The following LUZP2 variants were observed in gnomAD, a reference collection of about 807,000 sequenced individuals.
LUZP2 encodes the protein leucine zipper protein 2.
LUZP2 carries 52 observed loss-of-function variants against 51.6 expected under a neutral mutation model. That is an observed-to-expected ratio of 1.01 (90% confidence interval 0.81 to 1.27). The LOEUF is 1.27. Ranked by LOEUF, LUZP2 falls within the 50% of genes most tolerant of loss-of-function variation. The pLI, the probability that LUZP2 is intolerant of heterozygous loss-of-function variation, is 0.00. For synonymous variants in LUZP2, 154 were observed against 137.3 expected, an observed-to-expected ratio of 1.12 and a Z score of -0.85; for missense variants, 436 against 395.4, an observed-to-expected ratio of 1.10 and a Z score of -0.87.
chr11:24,826,617 A>T (rs1260740669), intron 5 of LUZP2, among the ~76,000 whole-genome samples: 1 of 151,930 alleles, frequency 6.6e-6, no homozygotes, highest in East Asian at 1.9e-4. Context: ...ATAATAAAGC[A>T]AGGCAAACCA....
chr11:24,846,863 C>A (rs1183162990), intron 5 of LUZP2, among the ~76,000 whole-genome samples: 1 of 151,744 alleles, frequency 6.6e-6, no homozygotes, highest in Non-Finnish European at 1.5e-5. Context: ...TTAATACACT[C>A]TCTCCATATA....
At chr11:24,572,080 T>C (rs1509589) in intron 1 of LUZP2, among the ~76,000 whole-genome samples, 90,321 of 151,538 alleles carry the variant, frequency 0.6, 27,504 homozygotes, top group East Asian at 0.8. Context: ...AATAAAAAAC[T>C]ACAACCAAGA....
intron 1 of LUZP2, among the ~76,000 whole-genome samples, chr11:24,525,476 A>G (rs1046726757): frequency 2.0e-5 from 3 of 151,448 alleles, no homozygotes; most frequent in Non-Finnish European, 4.4e-5. Context: ...ATTGGCTTTC[A>G]TGTCTGGGAG....
At chr11:24,932,376 ACTTTGT>A (rs897404316) in intron 7 of LUZP2, among the ~76,000 whole-genome samples, 6 of 151,956 alleles carry the variant, frequency 3.9e-5, no homozygotes, top group African/African-American at 1.5e-4. Flanking sequence ...GAGATTATGT[ACTTTGT>A]CTTTGGCTAC....
chr11:24,758,365 A>G (rs1314337823), intron 4 of LUZP2, among the ~76,000 whole-genome samples: 1 of 151,634 alleles, frequency 6.6e-6, no homozygotes, highest in Non-Finnish European at 1.5e-5. Context: ...GCTTGTGTGT[A>G]TATCATGAAT....
At chr11:24,732,860 G>A (rs1255183419) in intron 3 of LUZP2, among the ~76,000 whole-genome samples, 1 of 151,686 alleles carries the variant, frequency 6.6e-6, no homozygotes, top group Non-Finnish European at 1.5e-5. Context: ...ACTACCTTGT[G>A]AAGTGGCTAT....
intron 7 of LUZP2, among the ~76,000 whole-genome samples, chr11:24,927,095 C>CT (rs893396683): frequency 6.7e-4 from 97 of 144,032 alleles, no homozygotes; most frequent in South Asian, 1.5e-3. Context: ...TTGATGGGAT[C>CT]TTTTTTTTTT....
At chr11:24,752,568 T>C (rs951158297) in intron 4 of LUZP2, among the ~76,000 whole-genome samples, 3 of 152,158 alleles carry the variant, frequency 2.0e-5, no homozygotes, top group African/African-American at 7.2e-5. Flanking sequence ...GGGGAAAATA[T>C]GATTGGAGTG....
intron 1 of LUZP2, among the ~76,000 whole-genome samples, chr11:24,547,989 A>T (rs971255905): frequency 6.6e-6 from 1 of 152,138 alleles, no homozygotes; most frequent in Non-Finnish European, 1.5e-5. Context: ...GCAAATTAAT[A>T]CCACAATGAG....
intron 5 of LUZP2, among the ~76,000 whole-genome samples, chr11:24,874,394 C>T (rs546693497): frequency 4.6e-5 from 7 of 152,114 alleles, no homozygotes; most frequent in Admixed American, 2.6e-4. Flanking sequence ...CTCACAGTGT[C>T]GGTGAGGCAT....
intron 7 of LUZP2, among the ~76,000 whole-genome samples, chr11:24,921,276 C>A (rs1854045140): frequency 6.6e-6 from 1 of 152,086 alleles, no homozygotes; most frequent in Admixed American, 6.6e-5. Context: ...TATTGGGATG[C>A]TGGAGGAGGC....
chr11:24,664,019 A>T (rs564927361), intron 1 of LUZP2, among the ~76,000 whole-genome samples: 1 of 152,352 alleles, frequency 6.6e-6, no homozygotes, highest in East Asian at 1.9e-4. Context: ...GAAGTAATAC[A>T]GTAAATTGGT....
chr11:24,888,782 T>G (rs1258566291), intron 5 of LUZP2, among the ~76,000 whole-genome samples: 2 of 152,018 alleles, frequency 1.3e-5, no homozygotes, highest in Non-Finnish European at 2.9e-5. Flanking sequence ...TCATGGGGGA[T>G]GGTTTCCCCC....
chr11:24,984,664 A>ATTGTT (rs1856142478), intron 9 of LUZP2, among the ~76,000 whole-genome samples: 1 of 150,626 alleles, frequency 6.6e-6, no homozygotes, highest in African/African-American at 2.4e-5. Flanking sequence ...ATTTAAATTT[A>ATTGTT]TTGTTTTTAT....
chr11:24,650,457 A>C (rs767712521), intron 1 of LUZP2, among the ~76,000 whole-genome samples: 3 of 152,006 alleles, frequency 2.0e-5, no homozygotes, highest in Non-Finnish European at 2.9e-5. Flanking sequence ...TAAAGTGGGC[A>C]ACTATTTTGT....
At chr11:24,864,482 G>A (rs992046554) in intron 5 of LUZP2, among the ~76,000 whole-genome samples, 18 of 152,162 alleles carry the variant, frequency 1.2e-4, no homozygotes, top group Non-Finnish European at 1.9e-4. Context: ...TTGTTTCTAA[G>A]TTAATCTAGG....
chr11:24,587,696 T>C (rs1321335044), intron 1 of LUZP2, among the ~76,000 whole-genome samples: 2 of 152,092 alleles, frequency 1.3e-5, no homozygotes, highest in African/African-American at 4.8e-5. Context: ...GCCTAGTAGG[T>C]GCCTAGCACT....
At chr11:25,040,179 C>A (rs888685578) in intron 9 of LUZP2, among the ~76,000 whole-genome samples, 8 of 151,996 alleles carry the variant, frequency 5.3e-5, no homozygotes, top group African/African-American at 1.5e-4. Context: ...TTTGCATGCT[C>A]CAAACAGAAC....
intron 5 of LUZP2, among the ~76,000 whole-genome samples, chr11:24,870,820 G>A (rs576500823): frequency 7.9e-5 from 12 of 152,082 alleles, no homozygotes; most frequent in African/African-American, 1.9e-4. Flanking sequence ...TGATCATTTC[G>A]TTGTAAGAAG....
Sources: allele counts gnomAD v4.1 joint callset (sites outside exome capture counted in the v4.1 genomes callset), GRCh38; gene constraint gnomAD v4.1.1; transcripts MANE v1.5; gene names NCBI Gene and HGNC (gene_info 2026-07-23, HGNC 2026-07-21).